The following TMEM117 variants were observed in gnomAD, a reference collection of about 807,000 sequenced individuals.
TMEM117 encodes the protein transmembrane protein 117.
A neutral mutation model predicts 52.4 loss-of-function variants in TMEM117; 27 were observed. The ratio of observed to expected loss-of-function variants is 0.51; its 90% CI spans 0.38 to 0.71. The LOEUF is 0.71. TMEM117 is among the 30% of genes least tolerant of loss of function. TMEM117 has a pLI of 0.00. For missense variants in TMEM117, 556 were observed against 630.5 expected (o/e 0.88, Z 1.26); for synonymous variants, 215 against 206.3 (o/e 1.04, Z -0.36).
Position 44,075,359 on chromosome 12 carries a change from G to T in TMEM117, c.411-68166G>T, listed in dbSNP as rs78244876. ...TTACTTCATTTCTTTGTGCAGAGTT[G>T]GCTTCATGAGCATGTGATCTGCATA... On this transcript the variant is annotated intron_variant, in intron 3 of 7. Coordinates refer to ENST00000266534, the MANE Select transcript of TMEM117 (RefSeq NM_032256.3). 3.2e-3 allele frequency among the ~76,000 whole-genome samples: 485 copies of T among 152,314 alleles called. 3 individuals carry two copies. Among genetic ancestry groups the T allele is most frequent in the African/African-American group, 0.011 (460 of 41,570 alleles).
At chr12:43,805,086 C>T in the TMEM117 span, among the ~76,000 whole-genome samples, 2 of 152,176 alleles carry the variant, frequency 1.3e-5, no homozygotes, top group African/African-American at 4.8e-5. Flanking sequence ...ATTTTTCTAA[C>T]TTGCATTTCT....
chr12:44,291,399 G>A (rs1208077554), intron 5 of TMEM117, among the ~76,000 whole-genome samples: 1 of 103,350 alleles, frequency 9.7e-6, no homozygotes, highest in South Asian at 2.6e-4. Flanking sequence ...TTTTTTTTTG[G>A]TGGAGTCTTT....
chr12:44,243,560 G>A (rs1019977148), intron 5 of TMEM117, among the ~76,000 whole-genome samples: 1 of 151,694 alleles, frequency 6.6e-6, no homozygotes. Context: ...ATACACACAC[G>A]TATATCATAG....
chr12:44,290,992 T>C (rs1950696754), intron 5 of TMEM117, among the ~76,000 whole-genome samples: 1 of 152,172 alleles, frequency 6.6e-6, no homozygotes, highest in Non-Finnish European at 1.5e-5. Context: ...TATAGTTTTA[T>C]ATTAATTTTA....
At chr12:44,183,839 A>G (rs912855079) in intron 4 of TMEM117, among the ~76,000 whole-genome samples, 15 of 152,148 alleles carry the variant, frequency 9.9e-5, no homozygotes, top group Non-Finnish European at 2.2e-4. Flanking sequence ...CCTCTTTTCT[A>G]CGTATTCATT....
At chr12:44,203,754 G>T (rs953072962) in intron 4 of TMEM117, among the ~76,000 whole-genome samples, 1 of 152,056 alleles carries the variant, frequency 6.6e-6, no homozygotes, top group Non-Finnish European at 1.5e-5. Context: ...TTAATTGTAT[G>T]GTTTTGATAC....
intron 5 of TMEM117, among the ~76,000 whole-genome samples, chr12:44,246,311 A>C (rs548799002): frequency 2.0e-5 from 3 of 152,314 alleles, no homozygotes; most frequent in Middle Eastern, 3.4e-3. Context: ...GAATAAAATA[A>C]ATTTATATGT....
intron 3 of TMEM117, among the ~76,000 whole-genome samples, chr12:44,044,104 A>T (rs1034747223): frequency 3.9e-5 from 6 of 152,234 alleles, no homozygotes; most frequent in Non-Finnish European, 7.3e-5. Context: ...AAACGTACTC[A>T]TCCCAGCTGG....
chr12:43,802,332 T>A, the TMEM117 span: 2 of 1,591,254 alleles, frequency 1.3e-6, no homozygotes, highest in Non-Finnish European at 1.7e-6. Flanking sequence ...TTCATATCCC[T>A]GGGCATTCTG....
intron 2 of TMEM117, among the ~76,000 whole-genome samples, chr12:43,853,305 C>A (rs2093515501): frequency 6.6e-6 from 1 of 152,160 alleles, no homozygotes; most frequent in South Asian, 2.1e-4. Context: ...GAGACAGAGT[C>A]TCACTCTGTT....
At chr12:44,380,458 G>T (rs1297292643) in intron 7 of TMEM117, among the ~76,000 whole-genome samples, 1 of 152,088 alleles carries the variant, frequency 6.6e-6, no homozygotes, top group African/African-American at 2.4e-5. Context: ...ACTCCACTTG[G>T]CCCCAATCTA....
chr12:44,120,761 T>A (rs1948220604), intron 3 of TMEM117, among the ~76,000 whole-genome samples: 1 of 152,190 alleles, frequency 6.6e-6, no homozygotes, highest in South Asian at 2.1e-4. Context: ...TAGGACCTCG[T>A]CCTGGTTTCT....
the TMEM117 span, among the ~76,000 whole-genome samples, chr12:44,396,248 C>A: frequency 6.6e-6 from 1 of 152,036 alleles, no homozygotes; most frequent in South Asian, 2.1e-4. Context: ...TTGGAATCCG[C>A]TTTTCCACCA....
At chr12:44,297,556 A>G (rs930947520) in intron 5 of TMEM117, among the ~76,000 whole-genome samples, 1 of 152,228 alleles carries the variant, frequency 6.6e-6, no homozygotes, top group Admixed American at 6.5e-5. Context: ...CTATACAGCC[A>G]TATGAGTGCA....
intron 5 of TMEM117, among the ~76,000 whole-genome samples, chr12:44,285,240 T>G (rs1473618479): frequency 6.6e-6 from 1 of 152,204 alleles, no homozygotes; most frequent in Admixed American, 6.5e-5. Context: ...TGTTTACACT[T>G]TTGAGGTGCT....
At chr12:44,356,243 A>G (rs192239569) in intron 6 of TMEM117, among the ~76,000 whole-genome samples, 2 of 152,282 alleles carry the variant, frequency 1.3e-5, no homozygotes, top group Admixed American at 6.5e-5. Context: ...TATGACATGT[A>G]AAACAGATAA....
intron 4 of TMEM117, 89 bp downstream of exon 4, chr12:44,143,713 G>T (rs1474031957): frequency 1.2e-6 from 1 of 867,068 alleles, no homozygotes; most frequent in Non-Finnish European, 1.8e-6. Flanking sequence ...ATGATGTAGA[G>T]TAAAATAATT....
chr12:43,938,333 C>G lies in TMEM117; in HGVS notation c.278-5877C>G, dbSNP rs534113073. On this transcript the variant is annotated intron_variant, in intron 2 of 7. Transcript: ENST00000266534. ...CTTAGTTAAATTGCTCTTCATAACTCTGGCTAGGGTAATTGCTTCAGGACC... is the reference window on the plus strand; with the variant it reads ...CTTAGTTAAATTGCTCTTCATAACTGTGGCTAGGGTAATTGCTTCAGGACC... 1.9e-4 allele frequency among the ~76,000 whole-genome samples: 29 copies of G among 150,888 alleles called. No individual in the cohort carries two copies. In the South Asian group the frequency reaches 6.0e-3, roughly 31 times the overall value.
chr12:44,240,447 T>G (rs1241533528), intron 5 of TMEM117, among the ~76,000 whole-genome samples: 1 of 152,102 alleles, frequency 6.6e-6, no homozygotes, highest in Non-Finnish European at 1.5e-5. Flanking sequence ...AATAATCAAG[T>G]GTTCTGTTCT....
Sources: gnomAD v4.1 joint callset for allele counts (sites outside exome capture counted in the v4.1 genomes callset) on GRCh38, gnomAD v4.1.1 for gene constraint, MANE v1.5 for transcripts, NCBI Gene and HGNC (gene_info 2026-07-23, HGNC 2026-07-21) for gene names.